Variants in DSCAML1 observed in about 807,000 individuals in gnomAD.
DSCAML1 encodes cell adhesion molecule DSCAML1.
Under a neutral mutation model 200.5 loss-of-function variants are expected in DSCAML1, and 38 were observed. The ratio of observed to expected loss-of-function variants is 0.19; its 90% confidence interval spans 0.15 to 0.25. DSCAML1 has a LOEUF of 0.25. Among genes scored for constraint, DSCAML1 ranks in the 10% least tolerant of loss-of-function variants. The pLI is 1.00. For synonymous variants in DSCAML1, 1,215 were observed against 1,165.0 expected, an observed-to-expected ratio of 1.04 and a Z score of -0.87; for missense variants, 2,223 against 2,858.8, an observed-to-expected ratio of 0.78 and a Z score of 5.07.
intron 3 of DSCAML1, among the ~76,000 whole-genome samples, chr11:117,543,504 G>T (rs1242611521): frequency 6.6e-6 from 1 of 152,182 alleles, no homozygotes; most frequent in Non-Finnish European, 1.5e-5. Context: ...TACCTGTTGG[G>T]TACACTTGCA....
intron 3 of DSCAML1, among the ~76,000 whole-genome samples, chr11:117,533,698 C>A (rs2050120343): frequency 6.6e-6 from 1 of 152,142 alleles, no homozygotes. Context: ...CACAAGACCC[C>A]CCACTCCATC....
chr11:117,435,008 G>C (rs1313758441), intron 27 of DSCAML1, among the ~76,000 whole-genome samples: 1 of 152,162 alleles, frequency 6.6e-6, no homozygotes, highest in Non-Finnish European at 1.5e-5. Flanking sequence ...CTATAGTCTT[G>C]CAGTATCTAT....
In DSCAML1 at chr11:117,628,366, G is replaced by A. The variant is rs577086410; in HGVS notation, c.512-95844C>T. ...CCTCATGACCTCTGAGCTGAGGAGG[G>A]AATAGCAGGAACCTGAGGCCACAGG... On this transcript the variant is annotated intron_variant, in intron 3 of 32. Coordinates refer to ENST00000651296, the MANE Select transcript of DSCAML1 (RefSeq NM_020693.4). Among the ~76,000 whole-genome samples the A allele has an allele frequency of 7.2e-5, 11 of 152,294 alleles. No homozygotes were observed. In the South Asian group the frequency reaches 2.3e-3, roughly 32 times the overall value.
Position 117,469,108 on chromosome 11 carries a change from C to T in DSCAML1, c.3024+802G>A, listed in dbSNP as rs1385279017. 6.6e-6 allele frequency among the ~76,000 whole-genome samples: 1 copy of T among 152,178 alleles called. No homozygotes were observed. Among genetic ancestry groups the T allele is most frequent in the African/African-American group, 2.4e-5 (1 of 41,442 alleles). On this transcript the variant is annotated intron_variant, in intron 16 of 32. Coordinates refer to ENST00000651296, the MANE Select transcript of DSCAML1 (RefSeq NM_020693.4). This position sits in a 1 kb window ranked among gnomAD's most constrained non-coding sequence, Gnocchi z 4.1. ...TGTTGCAGTCTGAGCTCTGTCTCTG[C>T]TAGCCAGGCCACCTCACATCTTGTC...
intron 3 of DSCAML1, among the ~76,000 whole-genome samples, chr11:117,577,267 G>A (rs1359972715): frequency 6.6e-6 from 1 of 152,174 alleles, no homozygotes; most frequent in East Asian, 1.9e-4. Context: ...GGATGCCCTG[G>A]CCCTGCTCTC....
At chr11:117,646,382 G>A (rs1031823195) in intron 3 of DSCAML1, among the ~76,000 whole-genome samples, 2 of 152,168 alleles carry the variant, frequency 1.3e-5, no homozygotes, top group African/African-American at 2.4e-5. Flanking sequence ...TGCCTGATGG[G>A]AAGGGAGGCA....
chr11:117,486,435 T>G lies in DSCAML1; in HGVS notation c.2360-4273A>C, dbSNP rs1324074288. Among the ~76,000 whole-genome samples, 162 of 151,784 alleles carry G rather than the reference T, an allele frequency of 1.1e-3. 1 individual carries two copies. Among genetic ancestry groups the G allele is most frequent in the South Asian group, 9.4e-3 (45 of 4,782 alleles). ...GTGGCGGATGTGAAAATGGCGGATG[T>G]GAAAGTGGCAGATATGAAAGTAGCG... On this transcript the variant is annotated intron_variant, in intron 11 of 32. Transcript: ENST00000651296.
chr11:117,707,784 C>T (rs1230063785), intron 3 of DSCAML1, among the ~76,000 whole-genome samples: 1 of 152,190 alleles, frequency 6.6e-6, no homozygotes, highest in African/African-American at 2.4e-5. Context: ...CCACCGGCCT[C>T]AGCCTCCCAA....
chr11:117,576,162 G>A (rs372418976), intron 3 of DSCAML1, among the ~76,000 whole-genome samples: 27 of 152,192 alleles, frequency 1.8e-4, no homozygotes, highest in African/African-American at 4.8e-4. Flanking sequence ...ACCCTTACCC[G>A]GACCTTCTAG....
chr11:117,665,570 C>T (rs1435348103), intron 3 of DSCAML1, among the ~76,000 whole-genome samples: 9 of 152,184 alleles, frequency 5.9e-5, no homozygotes, highest in Admixed American at 6.5e-5. Context: ...GGCTCTGAAG[C>T]TTAAGCTGCA....
At chr11:117,444,114 G>C (rs2048127745) in intron 20 of DSCAML1, 75 bp from the exon 21 acceptor site, 1 of 1,491,406 alleles carries the variant, frequency 6.7e-7, no homozygotes, top group Non-Finnish European at 9.0e-7. Flanking sequence ...CTCAGTGCCC[G>C]GGGCTCAGAG....
At chr11:117,539,119 ACT>A (rs1462609206) in intron 3 of DSCAML1, among the ~76,000 whole-genome samples, 2 of 151,886 alleles carry the variant, frequency 1.3e-5, no homozygotes, top group Non-Finnish European at 2.9e-5. Flanking sequence ...ATTTCCCAAA[ACT>A]CTACGGCAGT....
intron 14 of DSCAML1, 110 bp from the exon 15 acceptor site, chr11:117,472,146 G>C (rs1303691013): frequency 9.9e-5 from 122 of 1,232,786 alleles, no homozygotes; most frequent in Non-Finnish European, 1.4e-4. Flanking sequence ...GAGGGGTCCA[G>C]CTCACACAGA....
At chr11:117,679,370 A>T (rs1281763500) in intron 3 of DSCAML1, among the ~76,000 whole-genome samples, 1 of 152,198 alleles carries the variant, frequency 6.6e-6, no homozygotes, top group Non-Finnish European at 1.5e-5. Flanking sequence ...GGTCAGGGGA[A>T]CTTCCAGGAG....
chr11:117,481,301 G>A, intron 12 of DSCAML1, 31 bp from the exon 13 acceptor site: 1 of 1,607,118 alleles, frequency 6.2e-7, no homozygotes, highest in Non-Finnish European at 8.5e-7. Flanking sequence ...GCAGGAGAGG[G>A]AGTAAACAGG....
intron 4 of DSCAML1, 129 bp from the exon 5 acceptor site, chr11:117,525,212 G>A: frequency 8.5e-7 from 1 of 1,178,028 alleles, no homozygotes. Flanking sequence ...AGTTTCCAGG[G>A]CGGCTCCAGA....
intron 3 of DSCAML1, among the ~76,000 whole-genome samples, chr11:117,612,625 G>T (rs2051719271): frequency 1.3e-5 from 2 of 152,176 alleles, no homozygotes; most frequent in African/African-American, 2.4e-5. Flanking sequence ...CCCACTGCCA[G>T]CGCCATGCTG....
upstream of DSCAML1, among the ~76,000 whole-genome samples, chr11:117,799,567 G>C (rs7943887): frequency 0.53 from 80,165 of 152,078 alleles, 21,589 homozygotes; most frequent in African/African-American, 0.64. Context: ...AGACATATAC[G>C]TGGAAATAAA....
chr11:117,649,041 A>ATATATGTATGTGTG (rs768621807), intron 3 of DSCAML1, among the ~76,000 whole-genome samples: 13 of 137,846 alleles, frequency 9.4e-5, no homozygotes, highest in African/African-American at 3.4e-4. Context: ...CTCCATATAT[A>ATATATGTATGTGTG]TGTGTGTGTG....
Sources: allele counts gnomAD v4.1 joint callset (sites outside exome capture counted in the v4.1 genomes callset), GRCh38; gene constraint gnomAD v4.1.1; non-coding constraint Gnocchi (gnomAD v3.1); transcripts MANE v1.5; gene names NCBI Gene and HGNC (gene_info 2026-07-23, HGNC 2026-07-21).